CPNE9: variants seen among roughly 807,000 people sequenced by gnomAD.
The protein encoded by CPNE9 is copine family member 9.
A neutral mutation model predicts 83.0 loss-of-function variants in CPNE9; 59 were observed. The ratio of observed to expected loss-of-function variants is 0.71; its 90% CI spans 0.58 to 0.88. The LOEUF is 0.88. Ranked by LOEUF, CPNE9 falls within the 40% of genes least tolerant of loss-of-function variation. The probability of loss-of-function intolerance (pLI) is 0.00; values close to 1 mark genes in which losing one functional copy is unlikely to be tolerated. For synonymous variants in CPNE9, 256 were observed against 273.4 expected, an observed-to-expected ratio of 0.94 and a Z score of 0.63; for missense variants, 619 against 720.8, an observed-to-expected ratio of 0.86 and a Z score of 1.62.
chr3:9,724,121 C>T (rs1313527079), intron 17 of CPNE9, among the ~76,000 whole-genome samples: 5 of 151,906 alleles, frequency 3.3e-5, no homozygotes, highest in East Asian at 1.9e-4. Flanking sequence ...CTTTCCAGTC[C>T]GCACAGGACT....
At chr3:9,705,256 A>C (rs1006169640) in intron 4 of CPNE9, among the ~76,000 whole-genome samples, 1 of 146,596 alleles carries the variant, frequency 6.8e-6, no homozygotes, top group African/African-American at 2.6e-5. Context: ...CCCTGCCCCC[A>C]GCAGCCCCTG....
At chr3:9,729,377 A>G in intron 20 of CPNE9, 130 bp from the exon 21 acceptor site, 2 of 1,323,032 alleles carry the variant, frequency 1.5e-6, no homozygotes, top group South Asian at 3.4e-5. Flanking sequence ...AAACTGTTCA[A>G]GATGTGGAGA....
intron 15 of CPNE9, 72 bp downstream of exon 15, chr3:9,717,176 GA>G (rs1438118105): frequency 3.3e-5 from 50 of 1,509,326 alleles, no homozygotes; most frequent in Non-Finnish European, 4.4e-5. Flanking sequence ...AGTTGGCCTG[GA>G]TTCCTACCTA....
chr3:9,727,117 G>C lies in CPNE9; in HGVS notation c.1407G>C (p.Met469Ile), dbSNP rs1274757378. Reference protein sequence around the residue: ...VGVGPAMFEAMEELDGDDVRV... With the variant: ...VGVGPAMFEAIEELDGDDVRV... ...AGGGGTGTGTCTTTTCTGCAGCAATGGAAGAGTTGGACGGTGATGATGTGC... is the reference window on the plus strand; with the variant it reads ...AGGGGTGTGTCTTTTCTGCAGCAATCGAAGAGTTGGACGGTGATGATGTGC... The change falls in exon 20 of 21, where the codon ATG becomes ATC. Residue 469 changes from methionine (M) to isoleucine (I), a missense_variant. Physicochemically the swap from Met to Ile is conservative, Grantham distance 10 (BLOSUM62 1). Around this residue, in one of 3 missense-constraint regions of CPNE9, gnomAD observed 438 missense variants for 562.9 expected, o/e 0.78. Transcript: ENST00000383832. 25 of 1,614,040 alleles carry C rather than the reference G, an allele frequency of 1.5e-5. No individual in the cohort carries two copies. The highest frequency in any genetic ancestry group is 2.0e-5 in the Non-Finnish European group (24 of 1,180,026).
At chr3:9,708,965 G>A (rs944894379) in intron 7 of CPNE9, among the ~76,000 whole-genome samples, 5 of 150,070 alleles carry the variant, frequency 3.3e-5, no homozygotes, top group African/African-American at 1.2e-4. Context: ...GAGTTTTACA[G>A]CAAAGGGGAG....
chr3:9,718,719 G>C (rs889023349), intron 17 of CPNE9, 117 bp downstream of exon 17: 10 of 1,257,210 alleles, frequency 8.0e-6, no homozygotes. Flanking sequence ...AAACAGGAGA[G>C]GCCAGGCATG....
rs1475452403 is a variant in CPNE9, at chr3:9,704,376, G to A, written c.69-211G>A. Among the ~76,000 whole-genome samples, 9 of 152,164 alleles carry A rather than the reference G, an allele frequency of 5.9e-5. No individual in the cohort carries two copies. The highest frequency in any genetic ancestry group is 5.9e-4 in the Admixed American group (9 of 15,288). On this transcript the variant is annotated intron_variant, in intron 1 of 20. Transcript: ENST00000383832. This position sits in a 1 kb window ranked among gnomAD's most constrained non-coding sequence, Gnocchi z 7.1. ...GGGCCCTTGGAGACAGTGTGGGTGC[G>A]TTCGCGTCCAGTCCGCAGAGCCATG...
chr3:9,727,946 A>G (rs547460967), intron 20 of CPNE9, among the ~76,000 whole-genome samples: 63 of 152,240 alleles, frequency 4.1e-4, no homozygotes, highest in African/African-American at 1.1e-3. Flanking sequence ...TTTAAGAAGA[A>G]AATTTTACAA....
chr3:9,709,133 G>A (rs2076596397), intron 7 of CPNE9, among the ~76,000 whole-genome samples: 1 of 150,364 alleles, frequency 6.7e-6, no homozygotes, highest in African/African-American at 2.4e-5. Context: ...AAACTTAGCT[G>A]GGAGTGGTGG....
At chr3:9,721,800 C>T (rs1427295040) in intron 17 of CPNE9, among the ~76,000 whole-genome samples, 2 of 152,212 alleles carry the variant, frequency 1.3e-5, no homozygotes, top group Non-Finnish European at 2.9e-5. Flanking sequence ...AGAGCTCCAG[C>T]TTCAGGCTCA....
intron 17 of CPNE9, among the ~76,000 whole-genome samples, chr3:9,724,297 G>A (rs982421745): frequency 2.0e-5 from 3 of 151,692 alleles, no homozygotes; most frequent in Admixed American, 6.6e-5. Flanking sequence ...AGTGAGAGAA[G>A]GAAAAGGAGC....
rs1385294942 is a variant in CPNE9, at chr3:9,717,077, G to C, written c.904G>C (p.Val302Leu). The C allele has an allele frequency of 1.9e-6, 3 of 1,614,218 alleles. No homozygotes were observed. The highest frequency in any genetic ancestry group is 2.5e-6 in the Non-Finnish European group (3 of 1,180,032). ...IKGGTQLNFT[V>L]AIDFTASNGN... ...CAACAGGACACAGCTGAACTTCACA[G>C]TAGCCATTGACTTCACGGCTTCCAA... The change falls in exon 15 of 21, where the codon GTA becomes CTA. Residue 302 changes from valine to leucine, a missense_variant. By Grantham distance (32) the Val-to-Leu change is conservative. Around this residue, in one of 3 missense-constraint regions of CPNE9, gnomAD observed 438 missense variants for 562.9 expected, o/e 0.78. Coordinates refer to ENST00000383832, the MANE Select transcript of CPNE9 (RefSeq NM_153635.3).
chr3:9,705,429 A>AACCCCCC, intron 4 of CPNE9, 35 bp from the exon 5 acceptor site: 1 of 286,646 alleles, frequency 3.5e-6, no homozygotes. Flanking sequence ...TCCCCCACCC[A>AACCCCCC]GCCCCACCCC....
At chr3:9,705,916 G>T in intron 6 of CPNE9, 71 bp from the exon 7 acceptor site, 2 of 1,521,776 alleles carry the variant, frequency 1.3e-6, no homozygotes, top group South Asian at 2.3e-5. Flanking sequence ...CTGTGCAGGA[G>T]CATCACTGGG....
At chr3:9,709,835 C>T (rs1009686477) in intron 7 of CPNE9, among the ~76,000 whole-genome samples, 1 of 151,456 alleles carries the variant, frequency 6.6e-6, no homozygotes, top group Non-Finnish European at 1.5e-5. Context: ...ACTAAAAATA[C>T]AAAAATTAAC....
intron 17 of CPNE9, among the ~76,000 whole-genome samples, chr3:9,720,063 C>T (rs1233562523): frequency 1.3e-5 from 2 of 150,906 alleles, no homozygotes; most frequent in Non-Finnish European, 2.9e-5. Flanking sequence ...CCAGATCATA[C>T]ATCAAATGGC....
At chr3:9,723,173 A>G (rs555611270) in intron 17 of CPNE9, among the ~76,000 whole-genome samples, 39 of 152,260 alleles carry the variant, frequency 2.6e-4, no homozygotes, top group African/African-American at 9.4e-4. Context: ...TGGGTAGGGG[A>G]TGTAAAGGAG....
In CPNE9 at chr3:9,713,701, A is replaced by C. The variant is rs191621836; in HGVS notation, c.650+622A>C. On this transcript the variant is annotated intron_variant, in intron 10 of 20. Coordinates refer to ENST00000383832, the MANE Select transcript of CPNE9 (RefSeq NM_153635.3). ...CAAATGGATGAACGGATGGATTTGTAGGTGAATTAGTTGATGGATGGGTAT... is the reference window on the plus strand; with the variant it reads ...CAAATGGATGAACGGATGGATTTGTCGGTGAATTAGTTGATGGATGGGTAT... 1.4e-3 allele frequency among the ~76,000 whole-genome samples: 218 copies of C among 152,292 alleles called. 1 individual carries two copies. Among genetic ancestry groups the C allele is most frequent in the Non-Finnish European group, 1.0e-4 (7 of 68,016 alleles).
chr3:9,712,137 AC>A (rs1169342869), intron 7 of CPNE9, among the ~76,000 whole-genome samples: 5 of 152,194 alleles, frequency 3.3e-5, no homozygotes, highest in African/African-American at 4.8e-5. Flanking sequence ...TATAAGGCTT[AC>A]GAGTTGCTTT....
Sources: allele counts gnomAD v4.1 joint callset (sites outside exome capture counted in the v4.1 genomes callset), GRCh38; gene constraint gnomAD v4.1.1; regional missense constraint gnomAD v4.1.1; non-coding constraint Gnocchi (gnomAD v3.1); transcripts MANE v1.5; gene names NCBI Gene and HGNC (gene_info 2026-07-23, HGNC 2026-07-21).